TAF1: variants seen among roughly 807,000 people sequenced by gnomAD.
TAF1 encodes the protein TATA-box binding protein associated factor 1.
Under a neutral mutation model 138.5 loss-of-function variants are expected in TAF1, and 2 were observed. The ratio of observed to expected loss-of-function variants is 0.01; its 90% CI spans 0.01 to 0.05. The LOEUF is 0.05. Ranked by LOEUF, TAF1 falls within the 10% of genes least tolerant of loss-of-function variation. The pLI, the probability that TAF1 is intolerant of heterozygous loss-of-function variation, is 1.00. For synonymous variants in TAF1, 437 were observed against 503.2 expected (o/e 0.87, Z 1.76); for missense variants, 709 against 1,478.0 (o/e 0.48, Z 8.53).
chrX:71,401,803 C>A, intron 25 of TAF1, 64 bp downstream of exon 25: 1 of 1,053,527 alleles, frequency 9.5e-7, no homozygotes, highest in Non-Finnish European at 1.3e-6. Flanking sequence ...ATATTGGTGG[C>A]TGGCAGGGGT....
At chrX:71,448,635 T>G in intron 32 of TAF1, among the ~76,000 whole-genome samples, 1 of 111,520 alleles carries the variant, frequency 9.0e-6, no homozygotes. Flanking sequence ...CTTATAATAG[T>G]GTAATAGAGT....
chrX:71,524,065 AG>A (rs1285886317), intron 13 of TAF1, among the ~76,000 whole-genome samples: 1 of 94,267 alleles, frequency 1.1e-5, no homozygotes, highest in Non-Finnish European at 2.1e-5. Flanking sequence ...TCTGTCACCC[AG>A]GCCGGAGTGC....
chrX:71,383,915 G>A, intron 12 of TAF1, 47 bp from the exon 13 acceptor site: 2 of 1,164,720 alleles, frequency 1.7e-6, no homozygotes, highest in East Asian at 6.0e-5. Flanking sequence ...ATTGTGTGTA[G>A]TAGTGTCCTG....
Position 71,377,060 on chromosome X carries a change from C to A in TAF1, c.583C>A (p.Pro195Thr). 2 of 1,211,425 alleles carry A rather than the reference C, an allele frequency of 1.7e-6. No individual in the cohort carries two copies. Among genetic ancestry groups the A allele is most frequent in the Non-Finnish European group, 2.2e-6 (2 of 895,493 alleles). Reference protein sequence around the residue: ...SSSDSESEMGPQEATQAESED... With the variant: ...SSSDSESEMGTQEATQAESED... ...CTCTGACTCAGAATCTGAGATGGGA[C>A]CTCAGGAAGCAACACAGGCAGAATC... Residue 195 changes from proline to threonine, a missense_variant, in exon 5 of 38, where the codon CCT (proline) becomes ACT (threonine). This residue lies in a region of TAF1 where 123 missense variants were observed against 161.6 expected (regional missense o/e 0.76). Coordinates refer to ENST00000423759, the MANE Select transcript of TAF1 (RefSeq NM_004606.5).
downstream of TAF1, among the ~76,000 whole-genome samples, chrX:71,469,399 AAAT>A (rs1356513117): frequency 5.4e-5 from 6 of 111,351 alleles, no homozygotes; most frequent in African/African-American, 1.6e-4. Flanking sequence ...AAGGTCTGGA[AAAT>A]AATAATGGTG....
chrX:71,399,814 C>A (rs1173204596), intron 24 of TAF1, among the ~76,000 whole-genome samples: 3 of 110,480 alleles, frequency 2.7e-5, no homozygotes, highest in African/African-American at 9.9e-5. Flanking sequence ...TCCCTGCAAC[C>A]TCCACCTTCC....
Position 71,366,503 on chromosome X carries a change from GTGGGCGTGGGGGTAGGGCTCGGGGGGT to G in TAF1, c.120+10_120+36del. Reference sequence around the variant, plus strand: ...AAAGCGTCTTGGATGATGTGAGGGGGTGGGCGTGGGGGTAGGGCTCGGGGGGTGGGGCTAAGCAGAGGAAGGAGGTGC... The same window carrying G: ...AAAGCGTCTTGGATGATGTGAGGGGGGGGGCTAAGCAGAGGAAGGAGGTGC... On this transcript the variant is annotated intron_variant, in intron 1 of 37. Coordinates refer to ENST00000423759, the MANE Select transcript of TAF1 (RefSeq NM_004606.5). 1 of 1,109,071 alleles carries G rather than the reference GTGGGCGTGGGGGTAGGGCTCGGGGGGT, an allele frequency of 9.0e-7. No homozygotes were observed. Among genetic ancestry groups the G allele is most frequent in the Admixed American group, 2.8e-5 (1 of 35,255 alleles). The allele number at this position is 1,109,071 out of a possible 1,213,427, so 91.4% of individuals were successfully genotyped here.
At chrX:71,451,979 A>G (rs1330465066) in intron 32 of TAF1, among the ~76,000 whole-genome samples, 4 of 112,331 alleles carry the variant, frequency 3.6e-5, no homozygotes, top group African/African-American at 9.7e-5. Context: ...CCCGTTCTCA[A>G]TGAGCTGTTG....
chrX:71,507,089 G>C (rs2039641939), intron 13 of TAF1, among the ~76,000 whole-genome samples: 1 of 112,129 alleles, frequency 8.9e-6, no homozygotes, highest in African/African-American at 3.2e-5. Flanking sequence ...GGGAATGACT[G>C]CTTGATGGGT....
In TAF1 at chrX:71,394,159, A is replaced by C; in HGVS notation, c.3320A>C (p.Asn1107Thr). 1 of 1,212,235 alleles carries C rather than the reference A, an allele frequency of 8.2e-7. No homozygotes were observed. Among genetic ancestry groups the C allele is most frequent in the Non-Finnish European group, 1.1e-6 (1 of 895,656 alleles). ...DFEEMGKNIE[N>T]MLQNKKTSSQ... Reference sequence around the variant, plus strand: ...GAAGAAATGGGAAAGAACATTGAGAACATGTTGCAGAACAAGAAAACCAGC... The same window carrying C: ...GAAGAAATGGGAAAGAACATTGAGACCATGTTGCAGAACAAGAAAACCAGC... The change falls in exon 22 of 38, where the codon AAC becomes ACC. Residue 1107 changes from asparagine (N) to threonine (T), a missense_variant. Transcript: ENST00000423759.
chrX:71,383,098 T>G lies in TAF1; in HGVS notation c.1881T>G (p.Gly627=). 1 of 1,211,484 alleles carries G rather than the reference T, an allele frequency of 8.3e-7. No individual in the cohort carries two copies. Among genetic ancestry groups the G allele is most frequent in the Non-Finnish European group, 1.1e-6 (1 of 895,555 alleles). ...CACCTCTGAAAAAGTACTCATTTGG[T>G]GCACTTTCTCAGCCAGGTCCCCACT... ...HRPPLKKYSF[G]ALSQPGPHSV... Residue 627 remains glycine (G), a synonymous_variant, in exon 12 of 38, where the codon GGT becomes GGG. Transcript: ENST00000423759.
intron 28 of TAF1, among the ~76,000 whole-genome samples, chrX:71,412,823 T>A (rs890942601): frequency 8.0e-5 from 9 of 112,589 alleles, no homozygotes; most frequent in African/African-American, 2.3e-4. Context: ...CCTGGCCTTG[T>A]GATCCACCCG....
Position 71,380,799 on chromosome X carries a change from T to C in TAF1, c.1361-944T>C, listed in dbSNP as rs757395135. On this transcript the variant is annotated intron_variant, in intron 8 of 37. Transcript: ENST00000423759. Reference sequence around the variant, plus strand: ...TCTGCCTCCCAGGTTGAAGTGATTCTTGTGCTTCAGCCTCCCGAGTAGCTG... The same window carrying C: ...TCTGCCTCCCAGGTTGAAGTGATTCCTGTGCTTCAGCCTCCCGAGTAGCTG... 3.6e-5 allele frequency among the ~76,000 whole-genome samples: 4 copies of C among 112,013 alleles called. No individual in the cohort carries two copies. The East Asian group carries it at 1.1e-3, about 31-fold the overall frequency.
At chrX:71,471,461 CTT>C (rs1279972405) in intron 13 of TAF1, among the ~76,000 whole-genome samples, 1,321 of 87,263 alleles carry the variant, frequency 0.015, 26 homozygotes, top group African/African-American at 0.055. Flanking sequence ...GAAATGGTCA[CTT>C]TTTTTTTTTT....
chrX:71,367,654 A>G, intron 2 of TAF1, 41 bp downstream of exon 2: 1 of 1,173,568 alleles, frequency 8.5e-7, no homozygotes, highest in Non-Finnish European at 1.2e-6. Flanking sequence ...GGAGGAGGCT[A>G]GCCACCTACT....
chrX:71,450,276 C>T (rs1222413451), intron 32 of TAF1, among the ~76,000 whole-genome samples: 2 of 109,653 alleles, frequency 1.8e-5, no homozygotes, highest in Non-Finnish European at 3.8e-5. Flanking sequence ...GATCTTGCCT[C>T]ACTGCAACCT....
At chrX:71,463,668 C>T (rs113113556) in intron 37 of TAF1, among the ~76,000 whole-genome samples, 156 bp from the exon 38 acceptor site, 5 of 111,636 alleles carry the variant, frequency 4.5e-5, no homozygotes, top group African/African-American at 1.6e-4. Context: ...TGAACAGGGT[C>T]ATTTTTCTCT....
rs554798007 is a variant in TAF1 at position 71,432,350 on chromosome X, T to C, written c.4753+8112T>C. Among the ~76,000 whole-genome samples the C allele has an allele frequency of 1.0e-3, 117 of 111,962 alleles. 2 individuals carry two copies. In the South Asian group the frequency reaches 0.012, roughly 12 times the overall value. On this transcript the variant is annotated intron_variant, in intron 32 of 37. Transcript: ENST00000423759. Reference sequence around the variant, plus strand: ...TCTGTAAAGTAGGAAACAGCATATTTTTTTGCTGAGATTAAAGTGGGAGAA... The same window carrying C: ...TCTGTAAAGTAGGAAACAGCATATTCTTTTGCTGAGATTAAAGTGGGAGAA...
downstream of TAF1, among the ~76,000 whole-genome samples, chrX:71,470,537 G>A (rs1328300436): frequency 2.8e-5 from 3 of 108,415 alleles, no homozygotes; most frequent in African/African-American, 6.7e-5. Context: ...CACCAAGCCC[G>A]GCCCAATTTT....
Sources: allele counts gnomAD v4.1 joint callset (sites outside exome capture counted in the v4.1 genomes callset), GRCh38; gene constraint gnomAD v4.1.1; regional missense constraint gnomAD v4.1.1; transcripts MANE v1.5; gene names NCBI Gene and HGNC (gene_info 2026-07-23, HGNC 2026-07-21).